SDK1: variants seen among roughly 807,000 people sequenced by gnomAD.
SDK1 encodes the protein protein sidekick-1.
Under a neutral mutation model 245.5 loss-of-function variants are expected in SDK1, and 157 were observed. The ratio of observed to expected loss-of-function variants is 0.64; its 90% CI spans 0.56 to 0.73. The LOEUF is 0.73. Ranked by LOEUF, SDK1 falls within the 30% of genes least tolerant of loss-of-function variation. The probability of loss-of-function intolerance (pLI) is 0.00; values close to 1 mark genes in which losing one functional copy is unlikely to be tolerated. For missense variants in SDK1, 3,583 were observed against 3,002.3 expected (o/e 1.19, Z -4.52); for synonymous variants, 1,647 against 1,278.5 (o/e 1.29, Z -6.15).
intron 1 of SDK1, among the ~76,000 whole-genome samples, chr7:3,402,461 T>C (rs1326163332): frequency 6.6e-6 from 1 of 152,222 alleles, no homozygotes; most frequent in Non-Finnish European, 1.5e-5. Context: ...ATTTCTATTA[T>C]GATTTTATGA....
chr7:3,901,984 C>T (rs1057015824), intron 5 of SDK1, among the ~76,000 whole-genome samples: 1 of 152,172 alleles, frequency 6.6e-6, no homozygotes, highest in African/African-American at 2.4e-5. Context: ...TCTCCTCTGT[C>T]TTTGAGTGTG....
At chr7:3,505,490 A>T (rs910710094) in intron 1 of SDK1, among the ~76,000 whole-genome samples, 14 of 152,158 alleles carry the variant, frequency 9.2e-5, no homozygotes, top group African/African-American at 3.4e-4. Flanking sequence ...GGCTCAAGCA[A>T]ACCTCCCACC....
chr7:4,180,179 A>AGCTCCAGCTCTATGCCCAGCGCCCG (rs1782507369), intron 35 of SDK1, among the ~76,000 whole-genome samples: 5 of 146,652 alleles, frequency 3.4e-5, no homozygotes, highest in South Asian at 4.4e-4. Flanking sequence ...CCCAGCGCCC[A>AGCTCCAGCTCTATGCCCAGCGCCCG]GCTCCAGCTC....
rs569080610 is a variant in SDK1, at chr7:3,850,100, C to T, written c.847+28517C>T. Among the ~76,000 whole-genome samples, 6 of 152,304 alleles carry T rather than the reference C, an allele frequency of 3.9e-5. No individual in the cohort carries two copies. The South Asian group carries it at 1.0e-3, about 26-fold the overall frequency. On this transcript the variant is annotated intron_variant, in intron 5 of 44. Transcript: ENST00000404826. Reference sequence around the variant, plus strand: ...TATACTTACAAGGTATTTTCTTCCACATTGCTGTCCTGTGACAAAAGCCAG... The same window carrying T: ...TATACTTACAAGGTATTTTCTTCCATATTGCTGTCCTGTGACAAAAGCCAG...
At chr7:3,584,194 C>T (rs1443346091) in intron 1 of SDK1, among the ~76,000 whole-genome samples, 1 of 152,128 alleles carries the variant, frequency 6.6e-6, no homozygotes, top group Non-Finnish European at 1.5e-5. Context: ...TGTAAGGCTT[C>T]TTAGGGCCCT....
At chr7:3,853,290 A>C (rs953983321) in intron 5 of SDK1, among the ~76,000 whole-genome samples, 1 of 152,144 alleles carries the variant, frequency 6.6e-6, no homozygotes, top group Non-Finnish European at 1.5e-5. Flanking sequence ...TCTGGAGTTC[A>C]TTTAGTAAAC....
intron 1 of SDK1, among the ~76,000 whole-genome samples, chr7:3,398,184 A>G (rs569613667): frequency 9.9e-5 from 15 of 152,152 alleles, no homozygotes; most frequent in Non-Finnish European, 2.1e-4. Context: ...TTCCCGTAGT[A>G]TCCTTGCTTT....
At chr7:4,163,153 C>A (rs1781270462) in intron 32 of SDK1, among the ~76,000 whole-genome samples, 1 of 152,106 alleles carries the variant, frequency 6.6e-6, no homozygotes, top group African/African-American at 2.4e-5. Flanking sequence ...GGCTGCTGTG[C>A]CAGGGAGCTG....
At chr7:3,856,481 TAA>T (rs34024559) in intron 5 of SDK1, among the ~76,000 whole-genome samples, 2,887 of 119,204 alleles carry the variant, frequency 0.024, 60 homozygotes, top group South Asian at 0.064. Flanking sequence ...CAGGTAATGT[TAA>T]AAAAAAAAAA....
chr7:4,105,032 G>A (rs904362307), intron 22 of SDK1, among the ~76,000 whole-genome samples: 15 of 152,086 alleles, frequency 9.9e-5, no homozygotes, highest in Non-Finnish European at 4.4e-5. Context: ...ACCCTGGCTG[G>A]TGTGGAGAGG....
In SDK1 at chr7:3,479,881, T is replaced by G. The variant is rs1186862603; in HGVS notation, c.299-139199T>G. Reference sequence around the variant, plus strand: ...CATCTCAAAAAAAAAAAAAAATTTTTTTTTTCATTAAATGAGAGACCTCTA... The same window carrying G: ...CATCTCAAAAAAAAAAAAAAATTTTGTTTTTCATTAAATGAGAGACCTCTA... On this transcript the variant is annotated intron_variant, in intron 1 of 44. Coordinates refer to ENST00000404826, the MANE Select transcript of SDK1 (RefSeq NM_152744.4). Among the ~76,000 whole-genome samples the G allele has an allele frequency of 3.3e-5, 5 of 151,996 alleles. No individual in the cohort carries two copies. In the East Asian group the frequency reaches 9.6e-4, roughly 29 times the overall value.
At chr7:3,919,105 C>T (rs1237506266) in intron 5 of SDK1, among the ~76,000 whole-genome samples, 1 of 152,146 alleles carries the variant, frequency 6.6e-6, no homozygotes. Flanking sequence ...TATATTCCAT[C>T]TCACATAATC....
At chr7:3,333,413 CAA>C (rs1780119310) in intron 1 of SDK1, among the ~76,000 whole-genome samples, 1 of 152,056 alleles carries the variant, frequency 6.6e-6, no homozygotes, top group South Asian at 2.1e-4. Flanking sequence ...TTAATGAGGT[CAA>C]AGAGGTTTCT....
intron 22 of SDK1, among the ~76,000 whole-genome samples, chr7:4,082,059 C>A (rs1209956032): frequency 6.6e-6 from 1 of 152,118 alleles, no homozygotes; most frequent in Admixed American, 6.5e-5. Flanking sequence ...AAGAAGTAAT[C>A]TTTGGTGTTG....
chr7:3,715,779 A>G (rs1323375815), intron 4 of SDK1, among the ~76,000 whole-genome samples: 1 of 152,216 alleles, frequency 6.6e-6, no homozygotes, highest in Non-Finnish European at 1.5e-5. Flanking sequence ...AGGAAAAATC[A>G]CAACTTGAAT....
At chr7:4,250,721 C>A (rs1249990573) in intron 44 of SDK1, among the ~76,000 whole-genome samples, 1 of 152,210 alleles carries the variant, frequency 6.6e-6, no homozygotes, top group Non-Finnish European at 1.5e-5. Context: ...AGGCTGCCAT[C>A]TTGACAATTA....
intron 1 of SDK1, among the ~76,000 whole-genome samples, chr7:3,436,417 C>T (rs943654843): frequency 1.3e-5 from 2 of 151,984 alleles, no homozygotes; most frequent in Non-Finnish European, 1.5e-5. Context: ...TTATATTTCC[C>T]TGAACCTCTT....
intron 1 of SDK1, among the ~76,000 whole-genome samples, chr7:3,538,900 A>G (rs1351404248): frequency 2.6e-5 from 4 of 152,238 alleles, no homozygotes; most frequent in African/African-American, 4.8e-5. Context: ...ATGGTTGTCC[A>G]CACAAAGAGG....
chr7:3,793,024 G>A (rs1401098714), intron 4 of SDK1, among the ~76,000 whole-genome samples: 2 of 152,148 alleles, frequency 1.3e-5, no homozygotes, highest in Non-Finnish European at 2.9e-5. Context: ...ACTGAGAATT[G>A]TGTAGGAGCT....
Sources: gnomAD v4.1 joint callset for allele counts (sites outside exome capture counted in the v4.1 genomes callset) on GRCh38, gnomAD v4.1.1 for gene constraint, MANE v1.5 for transcripts, NCBI Gene and HGNC (gene_info 2026-07-23, HGNC 2026-07-21) for gene names.